MYLK: variants seen among roughly 807,000 people sequenced by gnomAD.
MYLK encodes the protein myosin light chain kinase, smooth muscle.
Under a neutral mutation model 203.4 loss-of-function variants are expected in MYLK, and 106 were observed. That is an observed-to-expected ratio of 0.52 (90% CI 0.45 to 0.61). MYLK has a LOEUF of 0.61. Ranked by LOEUF, MYLK falls within the 20% of genes least tolerant of loss-of-function variation. The pLI is 0.00. For missense variants in MYLK, 2,072 were observed against 2,442.3 expected (o/e 0.85, Z 3.20); for synonymous variants, 867 against 959.5 (o/e 0.90, Z 1.78).
Position 123,708,772 on chromosome 3 carries a change from T to C in MYLK, c.2066A>G (p.Asp689Gly), listed in dbSNP as rs1308191051. ...SLCIQEVFPE[D>G]TGTYTCEAWN... ...GGCCTCGCAGGTGTACGTGCCCGTG[T>C]CCTCCGGGAACACTTCCTGGATACA... The change falls in exon 15 of 34, where the codon GAC (aspartate) becomes GGC (glycine). Residue 689 changes from aspartate to glycine, a missense_variant. Coordinates refer to ENST00000360304, the MANE Select transcript of MYLK (RefSeq NM_053025.4). 1 of 1,614,048 alleles carries C rather than the reference T, an allele frequency of 6.2e-7. No homozygotes were observed. Among genetic ancestry groups the C allele is most frequent in the Non-Finnish European group, 8.5e-7 (1 of 1,180,036 alleles).
intron 3 of MYLK, among the ~76,000 whole-genome samples, chr3:123,808,008 C>A (rs2109210649): frequency 6.6e-6 from 1 of 152,324 alleles, no homozygotes; most frequent in Non-Finnish European, 1.5e-5. Context: ...GGATGAGAAA[C>A]AATGGCTTAG....
chr3:123,835,936 C>T (rs2066465843), intron 2 of MYLK: 1 of 152,206 alleles, frequency 6.6e-6, no homozygotes. Context: ...GGAAGAAATG[C>T]TGCACAGAGA....
chr3:123,697,909 A>G (rs1220439007), intron 18 of MYLK, among the ~76,000 whole-genome samples: 1 of 151,842 alleles, frequency 6.6e-6, no homozygotes, highest in Admixed American at 6.6e-5. Context: ...GACGGTTTCC[A>G]TGGGAAGGGA....
At chr3:123,745,226 T>C (rs1188821402) in intron 5 of MYLK, among the ~76,000 whole-genome samples, 2 of 152,120 alleles carry the variant, frequency 1.3e-5, no homozygotes, top group African/African-American at 4.8e-5. Context: ...AGATTCTTGC[T>C]GTGAAGCCCA....
chr3:123,666,398 T>G, intron 21 of MYLK, 52 bp from the exon 22 acceptor site: 2 of 1,613,216 alleles, frequency 1.2e-6, no homozygotes, highest in South Asian at 2.2e-5. Flanking sequence ...TCAGGCATTC[T>G]GATCACATTC....
At chr3:123,623,994 G>T (rs910375514) in intron 31 of MYLK, 1 of 151,776 alleles carries the variant, frequency 6.6e-6, no homozygotes, top group African/African-American at 2.4e-5. Flanking sequence ...CGCCCTTCCA[G>T]AAAACCCTAT....
intron 4 of MYLK, among the ~76,000 whole-genome samples, chr3:123,778,591 C>T (rs1238436339): frequency 1.3e-5 from 2 of 152,124 alleles, no homozygotes; most frequent in African/African-American, 4.8e-5. Context: ...CAGCCCCTTC[C>T]CAGGGCCTGA....
chr3:123,683,428 C>T lies in MYLK; in HGVS notation c.3566-1118G>A, dbSNP rs569591315. The stretch of plus-strand genomic sequence containing the variant: ...TCTTGCCTAGACTGGGCTCCTGGGG[C>T]TCTGAGGGGTGGGCGCAGGGAGCAG... On this transcript the variant is annotated intron_variant, in intron 19 of 33. Transcript: ENST00000360304. 6.6e-5 allele frequency among the ~76,000 whole-genome samples: 10 copies of T among 152,194 alleles called. No individual in the cohort carries two copies. The East Asian group carries it at 1.9e-3, about 30-fold the overall frequency.
chr3:123,857,474 A>T (rs1376433860), intron 2 of MYLK, among the ~76,000 whole-genome samples: 1 of 152,122 alleles, frequency 6.6e-6, no homozygotes, highest in Non-Finnish European at 1.5e-5. Flanking sequence ...GCCATAAAAA[A>T]TAATGAGTTC....
At chr3:123,808,672 A>G (rs1215213699) in intron 3 of MYLK, among the ~76,000 whole-genome samples, 1 of 152,178 alleles carries the variant, frequency 6.6e-6, no homozygotes, top group Admixed American at 6.5e-5. Context: ...AAGGAAACCT[A>G]AGGTCCAGAC....
At chr3:123,733,569 G>T in intron 10 of MYLK, 118 bp downstream of exon 10, 1 of 1,294,150 alleles carries the variant, frequency 7.7e-7, no homozygotes. Flanking sequence ...TTCTAGGGGA[G>T]CTAGTCCAAG....
At chr3:123,675,198 C>A (rs1388927571) in intron 20 of MYLK, among the ~76,000 whole-genome samples, 1 of 152,212 alleles carries the variant, frequency 6.6e-6, no homozygotes, top group African/African-American at 2.4e-5. Context: ...AGGTGCTGAG[C>A]CTTCCACTCT....
chr3:123,794,426 C>A (rs1238092735), intron 3 of MYLK, among the ~76,000 whole-genome samples: 1 of 152,138 alleles, frequency 6.6e-6, no homozygotes, highest in Admixed American at 6.6e-5. Flanking sequence ...CATGGGGGGA[C>A]ATCCCACCTC....
intron 7 of MYLK, 71 bp downstream of exon 7, chr3:123,738,826 G>GT: frequency 1.3e-6 from 2 of 1,542,870 alleles, no homozygotes; most frequent in Non-Finnish European, 1.8e-6. Flanking sequence ...CCAGTCTCGG[G>GT]TATGTCTATT....
chr3:123,811,419 C>G (rs1357657936), intron 3 of MYLK, among the ~76,000 whole-genome samples: 2 of 152,124 alleles, frequency 1.3e-5, no homozygotes, highest in African/African-American at 4.8e-5. Context: ...ATTTGGAATC[C>G]TATTGGAGAA....
At chr3:123,694,357 G>C (rs972601333) in intron 18 of MYLK, among the ~76,000 whole-genome samples, 4 of 152,156 alleles carry the variant, frequency 2.6e-5, no homozygotes, top group African/African-American at 9.7e-5. Context: ...ATTTAGGCTG[G>C]AATTTTAGGA....
chr3:123,757,643 G>A (rs1363387390), intron 4 of MYLK, among the ~76,000 whole-genome samples: 1 of 152,206 alleles, frequency 6.6e-6, no homozygotes, highest in Non-Finnish European at 1.5e-5. Context: ...GTGAGCTGAA[G>A]AATCTTTAGG....
rs535571517 is a variant in MYLK at position 123,743,447 on chromosome 3, CTATT to C, written c.374-3450_374-3447del. ...TTTAGGCTAAAATTACTAACAGGGT[CTATT>C]TATAGGAAAAATTTGAAGTTGCAAA... is the stretch of plus-strand genomic sequence containing the variant. On this transcript the variant is annotated intron_variant, in intron 5 of 33. Coordinates refer to ENST00000360304, the MANE Select transcript of MYLK (RefSeq NM_053025.4). 1.4e-3 allele frequency among the ~76,000 whole-genome samples: 218 copies of C among 152,054 alleles called. 2 individuals are homozygous for C. In the Middle Eastern group the frequency reaches 0.02, roughly 14 times the overall value.
At chr3:123,850,068 T>C (rs999226796) in intron 2 of MYLK, among the ~76,000 whole-genome samples, 5 of 152,228 alleles carry the variant, frequency 3.3e-5, no homozygotes, top group African/African-American at 7.2e-5. Context: ...ACAAAGGACA[T>C]AAACTCATCC....
Sources: gnomAD v4.1 joint callset for allele counts (sites outside exome capture counted in the v4.1 genomes callset) on GRCh38, gnomAD v4.1.1 for gene constraint, MANE v1.5 for transcripts, NCBI Gene and HGNC (gene_info 2026-07-23, HGNC 2026-07-21) for gene names.